NEK3: variants seen among roughly 807,000 people sequenced by gnomAD.
The protein encoded by NEK3 is NIMA related kinase 3.
Under a neutral mutation model 66.0 loss-of-function variants are expected in NEK3, and 54 were observed. The observed-to-expected ratio is 0.82, with a 90% CI of 0.66 to 1.03. The LOEUF (loss-of-function observed/expected upper bound fraction) is 1.03, where lower values mean the gene tolerates loss of function less well. Ranked by LOEUF, NEK3 falls within the 50% of genes least tolerant of loss-of-function variation. NEK3 has a pLI of 0.00. For synonymous variants in NEK3, 200 were observed against 206.2 expected (o/e 0.97, Z 0.26); for missense variants, 593 against 603.0 (o/e 0.98, Z 0.17).
chr13:52,155,103 G>C (rs993223602), intron 2 of NEK3, among the ~76,000 whole-genome samples: 3 of 151,984 alleles, frequency 2.0e-5, no homozygotes, highest in East Asian at 3.9e-4. Flanking sequence ...GGAAGCCTGG[G>C]GGTGGAGCAC....
intron 15 of NEK3, among the ~76,000 whole-genome samples, 181 bp downstream of exon 15, chr13:52,133,508 G>A (rs1011292205): frequency 6.6e-6 from 1 of 151,854 alleles, no homozygotes; most frequent in Non-Finnish European, 1.5e-5. Flanking sequence ...CATATTGTAA[G>A]GCATTACCCA....
intron 14 of NEK3, among the ~76,000 whole-genome samples, chr13:52,135,475 A>G (rs1309717261): frequency 6.6e-6 from 1 of 152,198 alleles, no homozygotes; most frequent in African/African-American, 2.4e-5. Context: ...CTAAAAATAC[A>G]GTGCTATGAA....
chr13:52,138,421 G>A (rs1566851213), intron 11 of NEK3, among the ~76,000 whole-genome samples: 1 of 152,092 alleles, frequency 6.6e-6, no homozygotes, highest in African/African-American at 2.4e-5. Context: ...AAATTTTGTG[G>A]CATGTAAATT....
chr13:52,133,647 C>CACACT, intron 15 of NEK3, 42 bp downstream of exon 15: 2 of 1,070,972 alleles, frequency 1.9e-6, no homozygotes, highest in Non-Finnish European at 1.3e-6. Context: ...ACACACACAC[C>CACACT]CCCAACCCCA....
At chr13:52,155,734 T>C (rs1347053588) in intron 2 of NEK3, among the ~76,000 whole-genome samples, 1 of 152,210 alleles carries the variant, frequency 6.6e-6, no homozygotes, top group Non-Finnish European at 1.5e-5. Context: ...TGGAGTGCAG[T>C]GGCACAATCT....
chr13:52,144,347 T>C (rs542500379), intron 9 of NEK3, among the ~76,000 whole-genome samples: 316 of 151,900 alleles, frequency 2.1e-3, no homozygotes, highest in African/African-American at 7.5e-3. Flanking sequence ...ACCAGGGAGG[T>C]GGAGGTTGCA....
chr13:52,135,846 A>G lies in NEK3; in HGVS notation c.1192T>C (p.Tyr398His). 6.2e-7 allele frequency: 1 copy of G among 1,611,794 alleles called. No individual in the cohort carries two copies. Among genetic ancestry groups the G allele is most frequent in the Non-Finnish European group, 8.5e-7 (1 of 1,179,256 alleles). Reference sequence around the variant, plus strand: ...TGCTTACGAGTAGTATTTTTGCTGTACTTTATTACAGAACCACCTAGTTGC... The same window carrying G: ...TGCTTACGAGTAGTATTTTTGCTGTGCTTTATTACAGAACCACCTAGTTGC... ...EDDRGGSVIK[Y>H]SKNTTRKQWL... is the part of the protein sequence containing the mutation. Residue 398 changes from tyrosine (Y) to histidine (H), a missense_variant, in exon 14 of 16, where the codon TAC becomes CAC. Tyr to His is a moderately conservative substitution (Grantham distance 83). Coordinates refer to ENST00000610828, the MANE Select transcript of NEK3 (RefSeq NM_002498.3).
intron 1 of NEK3, among the ~76,000 whole-genome samples, chr13:52,157,640 A>G (rs1956406445): frequency 6.6e-6 from 1 of 152,222 alleles, no homozygotes; most frequent in Non-Finnish European, 1.5e-5. Flanking sequence ...TTAAACACAC[A>G]GTTGGAGTCC....
intron 15 of NEK3, 105 bp from the exon 16 acceptor site, chr13:52,133,331 A>G (rs1956171061): frequency 7.3e-6 from 7 of 956,842 alleles, no homozygotes; most frequent in Non-Finnish European, 9.5e-6. Context: ...GCTTTTGAAA[A>G]TTGAGTTCCA....
intron 15 of NEK3, 119 bp from the exon 16 acceptor site, chr13:52,133,345 G>A: frequency 3.7e-6 from 3 of 809,578 alleles, no homozygotes; most frequent in South Asian, 1.9e-5. Context: ...AGTTCCATAA[G>A]GCAACTGAAG....
At position 52,144,793 on chromosome 13, in the gene NEK3, G is replaced by T; in HGVS notation, c.702C>A (p.Val234=). Residue 234 remains valine, a synonymous_variant, in exon 9 of 16, where the codon GTC becomes GTA. Coordinates refer to ENST00000610828, the MANE Select transcript of NEK3 (RefSeq NM_002498.3). ...AGGGATTCCTTTTAAACATCTGCTT[G>T]ACTAGGAACTGAAGTTCATAGGAGT... The part of the protein sequence containing the change: ...SHYSYELQFL[V]KQMFKRNPSH... 1 of 1,613,424 alleles carries T rather than the reference G, an allele frequency of 6.2e-7. No individual in the cohort carries two copies. Among genetic ancestry groups the T allele is most frequent in the South Asian group, 1.1e-5 (1 of 91,002 alleles).
At chr13:52,151,543 T>C (rs996422452) in intron 5 of NEK3, among the ~76,000 whole-genome samples, 151 bp from the exon 6 acceptor site, 3 of 152,220 alleles carry the variant, frequency 2.0e-5, no homozygotes, top group African/African-American at 7.2e-5. Flanking sequence ...CAAGATCCCC[T>C]CTTGATCGCT....
intron 8 of NEK3, 119 bp downstream of exon 8, chr13:52,148,296 T>C (rs1351571729): frequency 4.4e-6 from 4 of 918,114 alleles, no homozygotes; most frequent in East Asian, 4.8e-5. Context: ...TGGAAACATA[T>C]ACAAACTTTT....
intron 4 of NEK3, 51 bp from the exon 5 acceptor site, chr13:52,152,743 G>A: frequency 8.5e-7 from 1 of 1,175,636 alleles, no homozygotes; most frequent in Non-Finnish European, 1.3e-6. Flanking sequence ...ACTGGCTCAT[G>A]TTAACCTACA....
rs530749310 is a variant in NEK3 at position 52,154,666 on chromosome 13, C to A, written c.118-493G>T. 4.8e-3 allele frequency among the ~76,000 whole-genome samples: 732 copies of A among 151,648 alleles called. 3 individuals are homozygous for A. Among genetic ancestry groups the A allele is most frequent in the Non-Finnish European group, 8.1e-3 (549 of 67,906 alleles). On this transcript the variant is annotated intron_variant, in intron 2 of 15. Transcript: ENST00000610828. Reference sequence around the variant, plus strand: ...GGTATATTACTGCATCAAGGATGAACAAAGATGGCAAGCAAAGTAAGTTTC... The same window carrying A: ...GGTATATTACTGCATCAAGGATGAAAAAAGATGGCAAGCAAAGTAAGTTTC...
chr13:52,134,493 G>T (rs1594020042), intron 14 of NEK3, among the ~76,000 whole-genome samples: 1 of 152,124 alleles, frequency 6.6e-6, no homozygotes, highest in East Asian at 1.9e-4. Context: ...CAATGGGGAG[G>T]AAGAAAAGTA....
chr13:52,152,358 C>A (rs550488003), intron 5 of NEK3, among the ~76,000 whole-genome samples: 1 of 152,148 alleles, frequency 6.6e-6, no homozygotes, highest in Admixed American at 6.6e-5. Flanking sequence ...ATGTTAATTA[C>A]CTTGATTTAA....
At chr13:52,133,624 C>CAT in intron 15 of NEK3, 65 bp downstream of exon 15, 13 of 1,442,704 alleles carry the variant, frequency 9.0e-6, no homozygotes, top group Non-Finnish European at 1.2e-5. Context: ...ATCACACACA[C>CAT]ACACACACAC....
At chr13:52,150,723 G>A (rs1956337189) in intron 7 of NEK3, among the ~76,000 whole-genome samples, 2 of 152,118 alleles carry the variant, frequency 1.3e-5, no homozygotes, top group Admixed American at 1.3e-4. Flanking sequence ...CTCAAATGTT[G>A]CTGTACATTG....
Sources: allele counts gnomAD v4.1 joint callset (sites outside exome capture counted in the v4.1 genomes callset), GRCh38; gene constraint gnomAD v4.1.1; transcripts MANE v1.5; gene names NCBI Gene and HGNC (gene_info 2026-07-23, HGNC 2026-07-21).